PRKCH: variants seen among roughly 807,000 people sequenced by gnomAD.
PRKCH encodes protein kinase C eta.
PRKCH carries 28 observed loss-of-function variants against 82.5 expected under a neutral mutation model. That is an observed-to-expected ratio of 0.34 (90% CI 0.25 to 0.47). PRKCH has a LOEUF of 0.47. Ranked by LOEUF, PRKCH falls within the 20% of genes least tolerant of loss-of-function variation. PRKCH has a pLI of 1.00. For synonymous variants in PRKCH, 322 were observed against 327.4 expected (o/e 0.98, Z 0.18); for missense variants, 705 against 881.8 (o/e 0.80, Z 2.54).
At chr14:61,466,504 G>C (rs1478266196) in intron 9 of PRKCH, among the ~76,000 whole-genome samples, 2 of 152,022 alleles carry the variant, frequency 1.3e-5, no homozygotes, top group East Asian at 1.9e-4. Context: ...CAAAGACTAG[G>C]GGGTGAGGGA....
At chr14:61,467,146 T>C (rs958265746) in intron 9 of PRKCH, among the ~76,000 whole-genome samples, 2 of 152,204 alleles carry the variant, frequency 1.3e-5, no homozygotes, top group Non-Finnish European at 2.9e-5. Context: ...CTGGAATTCA[T>C]CTTTCAGAAT....
At chr14:61,495,910 A>T (rs1472380765) in intron 10 of PRKCH, among the ~76,000 whole-genome samples, 1 of 152,238 alleles carries the variant, frequency 6.6e-6, no homozygotes, top group Non-Finnish European at 1.5e-5. Context: ...AAAATTCAGT[A>T]ACAAAGATTT....
At chr14:61,231,270 TTATTGCAAGGACTAAACAATTCAATAC>T (rs2140059402) in intron 1 of PRKCH, among the ~76,000 whole-genome samples, 1 of 152,284 alleles carries the variant, frequency 6.6e-6, no homozygotes, top group Non-Finnish European at 1.5e-5. Context: ...ACACACAGGG[TTATTGCAAGGACTAAACAATTCAATAC>T]ACAAAGTGCT....
In PRKCH at chr14:61,409,822, T is replaced by C. The variant is rs75936551; in HGVS notation, c.427+18534T>C. Among the ~76,000 whole-genome samples, 1,068 of 152,134 alleles carry C rather than the reference T, an allele frequency of 7.0e-3. 21 individuals are homozygous for C. The highest frequency in any genetic ancestry group is 0.024 in the African/African-American group (1,014 of 41,476). ...CTACTTGTTATTAATTTCTTATCTC[T>C]AGAGATTGAATGGTAAGAGCCAGGG... On this transcript the variant is annotated intron_variant, in intron 2 of 13. Coordinates refer to ENST00000332981, the MANE Select transcript of PRKCH (RefSeq NM_006255.5).
At chr14:61,389,698 C>CAAA (rs112924735) in intron 1 of PRKCH, among the ~76,000 whole-genome samples, 7 of 104,790 alleles carry the variant, frequency 6.7e-5, no homozygotes, top group African/African-American at 2.4e-4. Flanking sequence ...GACCCTGTCT[C>CAAA]AAAAAAAAAA....
At chr14:61,379,387 T>G (rs2140183447) in intron 1 of PRKCH, among the ~76,000 whole-genome samples, 1 of 152,362 alleles carries the variant, frequency 6.6e-6, no homozygotes, top group African/African-American at 2.4e-5. Flanking sequence ...TAATGCCTCC[T>G]CAGATTCAGA....
intron 9 of PRKCH, among the ~76,000 whole-genome samples, chr14:61,468,108 T>C (rs1479088057): frequency 6.6e-6 from 1 of 152,254 alleles, no homozygotes; most frequent in Non-Finnish European, 1.5e-5. Flanking sequence ...GAGGCAGTTT[T>C]CCACAATAGG....
At chr14:61,363,776 AAGGG>A in intron 1 of PRKCH, among the ~76,000 whole-genome samples, 1 of 150,600 alleles carries the variant, frequency 6.6e-6, no homozygotes, top group Non-Finnish European at 1.5e-5. Flanking sequence ...GATGGAGTCC[AAGGG>A]AACACCAGAC....
intron 1 of PRKCH, among the ~76,000 whole-genome samples, chr14:61,276,695 C>G (rs1262358570): frequency 2.7e-5 from 1 of 36,626 alleles, no homozygotes; most frequent in East Asian, 7.9e-4. Context: ...CCTTGGACTT[C>G]TTATATCCAA....
At chr14:61,373,467 C>A (rs903769290) in intron 1 of PRKCH, among the ~76,000 whole-genome samples, 2 of 151,992 alleles carry the variant, frequency 1.3e-5, no homozygotes, top group Non-Finnish European at 2.9e-5. Context: ...CAGCCCCTCC[C>A]CTGACAGGTG....
intron 1 of PRKCH, 29 bp from the exon 2 acceptor site, chr14:61,391,196 A>G (rs781629540): frequency 3.7e-5 from 59 of 1,579,796 alleles, no homozygotes; most frequent in Non-Finnish European, 5.0e-5. Context: ...AAACTAACAT[A>G]TAATATACAT....
intron 1 of PRKCH, among the ~76,000 whole-genome samples, chr14:61,256,775 A>G (rs2045001247): frequency 6.6e-6 from 1 of 152,224 alleles, no homozygotes; most frequent in South Asian, 2.1e-4. Context: ...CTTGATCATG[A>G]AAGAAACCTT....
intron 1 of PRKCH, among the ~76,000 whole-genome samples, chr14:61,301,187 T>C (rs989045185): frequency 1.3e-5 from 2 of 152,174 alleles, no homozygotes; most frequent in Non-Finnish European, 2.9e-5. Flanking sequence ...GAACCTCAGG[T>C]ATTTACCCCA....
At chr14:61,488,046 G>A (rs1484076733) in intron 10 of PRKCH, among the ~76,000 whole-genome samples, 2 of 152,142 alleles carry the variant, frequency 1.3e-5, no homozygotes, top group East Asian at 1.9e-4. Flanking sequence ...CCAGCTACTC[G>A]GGAGGCTGAG....
intron 2 of PRKCH, among the ~76,000 whole-genome samples, chr14:61,397,568 T>C (rs2046805544): frequency 6.6e-6 from 1 of 152,168 alleles, no homozygotes; most frequent in South Asian, 2.1e-4. Flanking sequence ...GAATTATAGT[T>C]TATCAAACCA....
intron 1 of PRKCH, chr14:61,298,813 C>T (rs2045425945): frequency 6.6e-6 from 1 of 152,026 alleles, no homozygotes; most frequent in Non-Finnish European, 1.5e-5. Flanking sequence ...CAATTCTTGC[C>T]TCCTCAGAAG....
In PRKCH at chr14:61,367,345, C is replaced by CGT. The variant is rs1349074944; in HGVS notation, c.364-23867_364-23866dup. On this transcript the variant is annotated intron_variant, in intron 1 of 13. Coordinates refer to ENST00000332981, the MANE Select transcript of PRKCH (RefSeq NM_006255.5). ...ATGAGATGATACTACTCAGGTATTG[C>CGT]GTGTGTGTGTGTGTATGTGTGTGTG... Among the ~76,000 whole-genome samples, 428 of 142,760 alleles carry CGT rather than the reference C, an allele frequency of 3.0e-3. 9 individuals are homozygous for CGT. The highest frequency in any genetic ancestry group is 0.01 in the African/African-American group (363 of 35,982). 93.7% of individuals were successfully genotyped at this position (142,760 alleles called of 152,430 possible).
chr14:61,504,521 T>C (rs1001195724), intron 10 of PRKCH, among the ~76,000 whole-genome samples: 1 of 152,176 alleles, frequency 6.6e-6, no homozygotes, highest in African/African-American at 2.4e-5. Context: ...GTACACTGCA[T>C]GGTCATCATA....
intron 1 of PRKCH, among the ~76,000 whole-genome samples, chr14:61,247,841 C>A (rs375601464): frequency 1.3e-4 from 20 of 151,358 alleles, no homozygotes; most frequent in African/African-American, 4.4e-4. Context: ...CTGCAGTAGA[C>A]GAGGTAAAGT....
Sources: allele counts gnomAD v4.1 joint callset (sites outside exome capture counted in the v4.1 genomes callset), GRCh38; gene constraint gnomAD v4.1.1; transcripts MANE v1.5; gene names NCBI Gene and HGNC (gene_info 2026-07-23, HGNC 2026-07-21).